TGM4: variants seen among roughly 807,000 people sequenced by gnomAD.
TGM4 encodes protein-glutamine gamma-glutamyltransferase 4.
TGM4 carries 61 observed loss-of-function variants against 76.3 expected under a neutral mutation model. The ratio of observed to expected loss-of-function variants is 0.80; its 90% confidence interval spans 0.65 to 0.99. The LOEUF (loss-of-function observed/expected upper bound fraction) is 0.99. Ranked by LOEUF, TGM4 falls within the 50% of genes least tolerant of loss-of-function variation. TGM4 has a pLI of 0.00. For missense variants in TGM4, 794 were observed against 843.2 expected (o/e 0.94, Z 0.72); for synonymous variants, 337 against 329.8 (o/e 1.02, Z -0.24).
chr3:44,881,211 A>C, intron 1 of TGM4, among the ~76,000 whole-genome samples: 1 of 152,176 alleles, frequency 6.6e-6, no homozygotes, highest in East Asian at 1.9e-4. Context: ...ATTAAAAAAA[A>C]AAAAATCAAA....
intron 10 of TGM4, among the ~76,000 whole-genome samples, chr3:44,907,757 ATC>A (rs1312102284): frequency 6.6e-6 from 1 of 152,204 alleles, no homozygotes; most frequent in Non-Finnish European, 1.5e-5. Context: ...CTCCTTTGCA[ATC>A]TCTACTATCC....
chr3:44,900,752 A>G (rs970566663), intron 6 of TGM4: 1 of 152,216 alleles, frequency 6.6e-6, no homozygotes. Flanking sequence ...CTGCCTGTAC[A>G]ACCTTCTTTA....
At chr3:44,878,626 G>A in intron 1 of TGM4, among the ~76,000 whole-genome samples, 1 of 151,804 alleles carries the variant, frequency 6.6e-6, no homozygotes. Flanking sequence ...GGGATTACAG[G>A]CATGCGCCAC....
rs941806946 is a variant in TGM4 at position 44,910,974 on chromosome 3, G to A, written c.1623G>A (p.Leu541=). Residue 541 remains leucine, a synonymous_variant, in exon 12 of 14, where the codon CTG becomes CTA. Coordinates refer to ENST00000296125, the MANE Select transcript of TGM4 (RefSeq NM_003241.4). ...QIQGQVSEVT[L]TLDSKTYINS... The stretch of plus-strand genomic sequence containing the variant: ...CTTTGGCAGTATCAGAAGTGACTCT[G>A]ACCTTGGACTCCAAGACCTACATCA... 23 of 1,614,008 alleles carry A rather than the reference G, an allele frequency of 1.4e-5. No homozygotes were observed. The highest frequency in any genetic ancestry group is 1.9e-5 in the Non-Finnish European group (22 of 1,180,010).
At chr3:44,884,512 TCTCA>T (rs1699573655) in intron 1 of TGM4, among the ~76,000 whole-genome samples, 1 of 152,012 alleles carries the variant, frequency 6.6e-6, no homozygotes, top group East Asian at 1.9e-4. Flanking sequence ...GGGGATGGAG[TCTCA>T]CTCTGTCACC....
intron 3 of TGM4, chr3:44,888,526 C>G (rs935422910): frequency 2.6e-5 from 4 of 152,262 alleles, no homozygotes; most frequent in African/African-American, 9.7e-5. Context: ...TCCTCTCCCT[C>G]CCATCCAGAT....
At chr3:44,878,494 ATTATTT>A (rs1459910661) in intron 1 of TGM4, among the ~76,000 whole-genome samples, 1 of 121,346 alleles carries the variant, frequency 8.2e-6, no homozygotes, top group African/African-American at 3.1e-5. Context: ...TATTATTATT[ATTATTT>A]GAGATGAGGT....
chr3:44,875,512 A>G (rs1010877682), intron 1 of TGM4, among the ~76,000 whole-genome samples: 2 of 152,054 alleles, frequency 1.3e-5, no homozygotes, highest in Non-Finnish European at 2.9e-5. Context: ...TCTGTGTCCC[A>G]TGAGGATGCA....
intron 1 of TGM4, among the ~76,000 whole-genome samples, chr3:44,881,831 T>C (rs942441196): frequency 2.6e-5 from 4 of 152,194 alleles, no homozygotes; most frequent in African/African-American, 4.8e-5. Flanking sequence ...GCAAAAGTTA[T>C]AGCAAAAATT....
intron 5 of TGM4, 127 bp downstream of exon 5, chr3:44,893,822 A>G: frequency 2.3e-6 from 2 of 872,262 alleles, no homozygotes; most frequent in Non-Finnish European, 3.8e-6. Context: ...AGCCTCATAC[A>G]TGTAAAACTT....
At chr3:44,887,981 A>G in intron 3 of TGM4, 186 bp downstream of exon 3, 2 of 614,366 alleles carry the variant, frequency 3.3e-6, no homozygotes, top group Non-Finnish European at 5.8e-6. Flanking sequence ...CTCCAAGCAC[A>G]CAGTATCGCT....
chr3:44,890,556 A>T, intron 3 of TGM4, 47 bp from the exon 4 acceptor site: 1 of 1,599,910 alleles, frequency 6.3e-7, no homozygotes, highest in Non-Finnish European at 8.5e-7. Context: ...AAGATTTGGG[A>T]TCTGGCCAGA....
chr3:44,897,198 G>C (rs369721943), intron 6 of TGM4, among the ~76,000 whole-genome samples: 5 of 152,066 alleles, frequency 3.3e-5, no homozygotes, highest in Admixed American at 6.5e-5. Context: ...TAGAGACGGG[G>C]TTTCACCATC....
At chr3:44,907,312 A>C in intron 10 of TGM4, 112 bp downstream of exon 10, 7 of 112,262 alleles carry the variant, frequency 6.2e-5, no homozygotes, top group South Asian at 1.0e-3. Context: ...ATCCCTACCA[A>C]AAAAAAAAAA....
intron 10 of TGM4, 27 bp downstream of exon 10, chr3:44,907,227 A>T (rs1463347717): frequency 6.2e-7 from 1 of 1,608,686 alleles, no homozygotes; most frequent in Admixed American, 1.7e-5. Context: ...GCTCCTTCTG[A>T]CTCAGCCCCT....
chr3:44,893,403 C>G (rs745565741), intron 4 of TGM4, among the ~76,000 whole-genome samples, 174 bp from the exon 5 acceptor site: 2 of 152,132 alleles, frequency 1.3e-5, no homozygotes, highest in African/African-American at 4.8e-5. Context: ...ACAGCTGGCT[C>G]GGGAAGTTCT....
At chr3:44,907,309 CCA>C (rs1559620243) in intron 10 of TGM4, 109 bp downstream of exon 10, 94 of 789,404 alleles carry the variant, frequency 1.2e-4, no homozygotes, top group South Asian at 1.0e-3. Flanking sequence ...CCCATCCCTA[CCA>C]AAAAAAAAAA....
Position 44,896,717 on chromosome 3 carries a change from A to G in TGM4, c.558A>G (p.Lys186=), listed in dbSNP as rs769452010. The G allele has an allele frequency of 6.2e-7, 1 of 1,614,140 alleles. No individual in the cohort carries two copies. The highest frequency in any genetic ancestry group is 1.1e-5 in the South Asian group (1 of 91,084). ...CKPWNFGQFE[K]NVLDCCISLL... is the part of the protein sequence containing the mutation. ...TTCATTTCCCAAAATAGTTTGAGAA[A>G]AATGTCCTGGACTGCTGCATTTCCC... is the stretch of plus-strand genomic sequence containing the variant. The change falls in exon 6 of 14, where the codon AAA becomes AAG. Residue 186 remains lysine, a synonymous_variant. Coordinates refer to ENST00000296125, the MANE Select transcript of TGM4 (RefSeq NM_003241.4).
Position 44,914,048 on chromosome 3 carries a change from G to T in TGM4, c.*323G>T. ...TTTCGAAGCCACAGAGTCTCTCCCT[G>T]GAGCAGCAGACTATGGGCAGCCCAG... On this transcript the variant is annotated 3_prime_UTR_variant, in exon 14 of 14. Coordinates refer to ENST00000296125, the MANE Select transcript of TGM4 (RefSeq NM_003241.4). The T allele has an allele frequency of 4.0e-6, 1 of 248,492 alleles. No individual in the cohort carries two copies. The allele number at this position is 248,492 out of a possible 1,614,324, so 15.4% of individuals were successfully genotyped here. A position where few individuals can be genotyped will look rare whatever the true frequency, so the allele number is the denominator to read the frequency against.
Sources: allele counts gnomAD v4.1 joint callset (sites outside exome capture counted in the v4.1 genomes callset), GRCh38; gene constraint gnomAD v4.1.1; transcripts MANE v1.5; gene names NCBI Gene and HGNC (gene_info 2026-07-23, HGNC 2026-07-21).